Variants in PLPP4 observed in about 807,000 individuals in gnomAD.
The protein encoded by PLPP4 is diacylglycerol pyrophosphate like 2.
PLPP4 carries 20 observed loss-of-function variants against 32.2 expected under a neutral mutation model. The observed-to-expected ratio is 0.62, with a 90% CI of 0.44 to 0.90. PLPP4 has a LOEUF of 0.90. Among genes scored for constraint, PLPP4 ranks in the 40% least tolerant of loss-of-function variants. PLPP4 has a pLI of 0.00. For missense variants in PLPP4, 257 were observed against 353.1 expected (o/e 0.73, Z 2.18); for synonymous variants, 127 against 133.0 (o/e 0.95, Z 0.31).
intron 6 of PLPP4, among the ~76,000 whole-genome samples, chr10:120,579,257 G>A (rs1056228062): frequency 5.3e-5 from 8 of 152,092 alleles, no homozygotes; most frequent in African/African-American, 1.2e-4. Context: ...GGGTGCCTGC[G>A]TGGTGTTTCA....
chr10:120,574,162 ACACACACT>A (rs1564850100), intron 5 of PLPP4, among the ~76,000 whole-genome samples: 36 of 104,154 alleles, frequency 3.5e-4, no homozygotes, highest in Admixed American at 8.6e-4. Flanking sequence ...ACACACACAC[ACACACACT>A]CTCTCTCTCT....
At chr10:120,476,435 C>T (rs556269391) in intron 1 of PLPP4, among the ~76,000 whole-genome samples, 2 of 152,266 alleles carry the variant, frequency 1.3e-5, no homozygotes, top group East Asian at 1.9e-4. Context: ...TTATAAATGG[C>T]GAAACTGATG....
At chr10:120,514,779 A>C (rs1383108474) in intron 3 of PLPP4, among the ~76,000 whole-genome samples, 1 of 152,178 alleles carries the variant, frequency 6.6e-6, no homozygotes, top group East Asian at 1.9e-4. Context: ...CCGTGAGAAA[A>C]ACCAAATCAG....
intron 5 of PLPP4, among the ~76,000 whole-genome samples, chr10:120,552,165 G>GGTGTGTGTGTGTGTGTGTGT (rs58426120): frequency 2.5e-4 from 34 of 138,634 alleles, no homozygotes; most frequent in South Asian, 1.3e-3. Flanking sequence ...GTGGTGGTGG[G>GGTGTGTGTGTGTGTGTGTGT]GTGTGTGTGT....
intron 1 of PLPP4, among the ~76,000 whole-genome samples, chr10:120,475,538 A>G (rs1843861274): frequency 6.6e-6 from 1 of 152,232 alleles, no homozygotes; most frequent in South Asian, 2.1e-4. Context: ...CTCTAAAGGA[A>G]GTCCTGGCAG....
chr10:120,491,457 G>T (rs1164048863), intron 1 of PLPP4, among the ~76,000 whole-genome samples: 1 of 152,026 alleles, frequency 6.6e-6, no homozygotes, highest in Non-Finnish European at 1.5e-5. Context: ...CCTCTTTCCA[G>T]TTCTCTTTCT....
At chr10:120,538,085 T>TGTGTGTGTGTGTGTGTGTG (rs71019774) in intron 5 of PLPP4, among the ~76,000 whole-genome samples, 1 of 127,604 alleles carries the variant, frequency 7.8e-6, no homozygotes, top group Non-Finnish European at 1.7e-5. Flanking sequence ...TGTGTGTGTG[T>TGTGTGTGTGTGTGTGTGTG]TTTCAGATTC....
chr10:120,514,168 C>A (rs961683632), intron 3 of PLPP4, among the ~76,000 whole-genome samples, 167 bp downstream of exon 3: 1 of 152,196 alleles, frequency 6.6e-6, no homozygotes, highest in Admixed American at 6.5e-5. Flanking sequence ...GAAGAGCCAA[C>A]GTGCGGTCCT....
chr10:120,531,895 CATATATATATATATACACACAT>C (rs1427550734), intron 5 of PLPP4, among the ~76,000 whole-genome samples: 1 of 140,370 alleles, frequency 7.1e-6, no homozygotes, highest in Non-Finnish European at 1.6e-5. Flanking sequence ...CACACACACA[CATATATATATATATACACACAT>C]ACATATTTTA....
intron 5 of PLPP4, among the ~76,000 whole-genome samples, chr10:120,544,021 T>TA (rs1340187465): frequency 6.6e-6 from 1 of 152,234 alleles, no homozygotes; most frequent in Non-Finnish European, 1.5e-5. Flanking sequence ...TCCAGCAGTG[T>TA]ACACTTGGGT....
chr10:120,520,312 G>T (rs1373840518), intron 4 of PLPP4, among the ~76,000 whole-genome samples: 1 of 152,212 alleles, frequency 6.6e-6, no homozygotes, highest in Non-Finnish European at 1.5e-5. Context: ...GCCAGGTGAG[G>T]CCTGCCATTT....
At chr10:120,476,487 G>A (rs1843916151) in intron 1 of PLPP4, among the ~76,000 whole-genome samples, 1 of 152,200 alleles carries the variant, frequency 6.6e-6, no homozygotes, top group African/African-American at 2.4e-5. Context: ...TTTGCCAACA[G>A]GTGGCACAGA....
chr10:120,558,885 TA>T lies in PLPP4; in HGVS notation c.446-16243del, dbSNP rs573592910. Reference sequence around the variant, plus strand: ...GCTTCTTCCAAATATAACTCTCAGATAAATTACTTGCAGTAAAATTTTTGGG... The same window carrying T: ...GCTTCTTCCAAATATAACTCTCAGATAATTACTTGCAGTAAAATTTTTGGG... On this transcript the variant is annotated intron_variant, in intron 5 of 6. Coordinates refer to ENST00000398250, the MANE Select transcript of PLPP4 (RefSeq NM_001030059.3). Among the ~76,000 whole-genome samples the T allele has an allele frequency of 6.5e-3, 983 of 152,370 alleles. 10 individuals carry two copies. The highest frequency in any genetic ancestry group is 0.023 in the African/African-American group (948 of 41,592).
In PLPP4 at chr10:120,542,398, CAT is replaced by C. The variant is rs564815812; in HGVS notation, c.445+21305_445+21306del. ...GAAGAACAGAATTAATAGTGAATCA[CAT>C]AATTTATGGAAGCAATTGTTAGAGA... On this transcript the variant is annotated intron_variant, in intron 5 of 6. Transcript: ENST00000398250. Among the ~76,000 whole-genome samples, 859 of 152,294 alleles carry C rather than the reference CAT, an allele frequency of 5.6e-3. 8 individuals carry two copies. The highest frequency in any genetic ancestry group is 0.02 in the African/African-American group (821 of 41,556).
At chr10:120,500,805 G>A (rs1043373267) in intron 1 of PLPP4, among the ~76,000 whole-genome samples, 4 of 152,130 alleles carry the variant, frequency 2.6e-5, no homozygotes, top group African/African-American at 9.7e-5. Flanking sequence ...TCAACCAACC[G>A]AATCTCTTTC....
chr10:120,561,253 G>C (rs1310533199), intron 5 of PLPP4, among the ~76,000 whole-genome samples: 1 of 152,166 alleles, frequency 6.6e-6, no homozygotes, highest in East Asian at 1.9e-4. Flanking sequence ...TCAATCCCAA[G>C]ACTGTATTAT....
chr10:120,565,609 T>G (rs1848658373), intron 5 of PLPP4, among the ~76,000 whole-genome samples: 1 of 152,190 alleles, frequency 6.6e-6, no homozygotes, highest in Non-Finnish European at 1.5e-5. Context: ...TGCTTCTCTT[T>G]TTGTGTTGTA....
At chr10:120,500,087 C>T (rs1390542354) in intron 1 of PLPP4, among the ~76,000 whole-genome samples, 3 of 152,206 alleles carry the variant, frequency 2.0e-5, no homozygotes, top group African/African-American at 7.2e-5. Flanking sequence ...ATCAATCTTT[C>T]TTAGTACTGC....
At chr10:120,562,209 T>C (rs945044243) in intron 5 of PLPP4, among the ~76,000 whole-genome samples, 2 of 152,174 alleles carry the variant, frequency 1.3e-5, no homozygotes, top group African/African-American at 4.8e-5. Context: ...ATAAATTTTA[T>C]TTTTTAAATT....
Sources: gnomAD v4.1 joint callset for allele counts (sites outside exome capture counted in the v4.1 genomes callset) on GRCh38, gnomAD v4.1.1 for gene constraint, MANE v1.5 for transcripts, NCBI Gene and HGNC (gene_info 2026-07-23, HGNC 2026-07-21) for gene names.